PCDHGB3: variants seen among roughly 807,000 people sequenced by gnomAD.
PCDHGB3 encodes the protein protocadherin gamma subfamily B, 3.
A neutral mutation model predicts 59.2 loss-of-function variants in PCDHGB3; 40 were observed. The ratio of observed to expected loss-of-function variants is 0.68; its 90% CI spans 0.52 to 0.88. The LOEUF is 0.88. PCDHGB3 is among the 40% of genes least tolerant of loss of function. The probability of loss-of-function intolerance (pLI) is 0.00; values close to 1 mark genes in which losing one functional copy is unlikely to be tolerated. For missense variants in PCDHGB3, 1,309 were observed against 1,187.9 expected (o/e 1.10, Z -1.50); for synonymous variants, 581 against 503.6 (o/e 1.15, Z -2.06).
chr5:141,409,919 G>C (rs774277848), intron 1 of PCDHGB3: 1 of 1,613,346 alleles, frequency 6.2e-7, no homozygotes, highest in South Asian at 1.1e-5. Flanking sequence ...TGACGGCTCC[G>C]CGTTCTTCGA....
chr5:141,415,915 TGC>T, intron 1 of PCDHGB3: 1 of 724,854 alleles, frequency 1.4e-6, no homozygotes, highest in Non-Finnish European at 1.9e-6. Flanking sequence ...CATACAGAAG[TGC>T]CTGTCAATTT....
chr5:141,447,312 G>C (rs2098534178), intron 1 of PCDHGB3, among the ~76,000 whole-genome samples: 2 of 151,918 alleles, frequency 1.3e-5, no homozygotes, highest in African/African-American at 2.4e-5. Flanking sequence ...GCTAATTTTT[G>C]TATTTTTAGT....
chr5:141,483,606 C>T (rs1460635551), intron 1 of PCDHGB3, among the ~76,000 whole-genome samples: 1 of 151,984 alleles, frequency 6.6e-6, no homozygotes, highest in Non-Finnish European at 1.5e-5. Flanking sequence ...CTGGTTTACA[C>T]CTCCATCATT....
Position 141,493,404 on chromosome 5 carries a change from C to T in PCDHGB3, c.2416-1403C>T, listed in dbSNP as rs2099748048. Among the ~76,000 whole-genome samples, 1 of 152,148 alleles carries T rather than the reference C, an allele frequency of 6.6e-6. No individual in the cohort carries two copies. Among genetic ancestry groups the T allele is most frequent in the South Asian group, 2.1e-4 (1 of 4,826 alleles). ...CTTGAGGACAGGAGAGGGGAGTTGC[C>T]TCTGCTGGGATTTTGCTTCTGCTGG... On this transcript the variant is annotated intron_variant, in intron 1 of 3. Transcript: ENST00000576222. The surrounding 1 kb of genome is among the most constrained non-coding windows in gnomAD (Gnocchi z 4.3).
intron 1 of PCDHGB3, among the ~76,000 whole-genome samples, chr5:141,425,428 T>C (rs1037803701): frequency 1.3e-5 from 2 of 152,238 alleles, no homozygotes; most frequent in African/African-American, 4.8e-5. Context: ...TCCCATTAAA[T>C]AGAGGATAAA....
intron 1 of PCDHGB3, among the ~76,000 whole-genome samples, chr5:141,454,703 A>C (rs933041937): frequency 1.3e-5 from 2 of 150,198 alleles, no homozygotes; most frequent in African/African-American, 4.9e-5. Flanking sequence ...ACCATGCTCC[A>C]CCTGCTTATT....
intron 1 of PCDHGB3, chr5:141,414,447 C>A (rs2095748360): frequency 1.2e-6 from 2 of 1,613,848 alleles, no homozygotes; most frequent in East Asian, 2.2e-5. Flanking sequence ...CTTACAATAT[C>A]ACAGTGACAG....
intron 1 of PCDHGB3, chr5:141,399,718 C>T (rs770212703): frequency 6.2e-7 from 1 of 1,613,306 alleles, no homozygotes; most frequent in Non-Finnish European, 8.5e-7. Context: ...ACTACAGGCC[C>T]GCGACCAGGG....
At position 141,486,543 on chromosome 5, in the gene PCDHGB3, A is replaced by G; in HGVS notation, c.2416-8264A>G. Reference sequence around the variant, plus strand: ...AATGATAATCCACCCTCTTTCTTTCAGAGGTCACATGAGGTGTTTGTTCCT... The same window carrying G: ...AATGATAATCCACCCTCTTTCTTTCGGAGGTCACATGAGGTGTTTGTTCCT... On this transcript the variant is annotated intron_variant, in intron 1 of 3. Transcript: ENST00000576222. This position sits in a 1 kb window ranked among gnomAD's most constrained non-coding sequence, Gnocchi z 5.0. 6.2e-7 allele frequency: 1 copy of G among 1,614,080 alleles called. No individual in the cohort carries two copies. Among genetic ancestry groups the G allele is most frequent in the Non-Finnish European group, 8.5e-7 (1 of 1,180,020 alleles).
At chr5:141,374,168 G>A in intron 1 of PCDHGB3, 1 of 1,613,320 alleles carries the variant, frequency 6.2e-7, no homozygotes, top group Non-Finnish European at 8.5e-7. Flanking sequence ...GGCCGCGGCA[G>A]CGCAGATCCG....
chr5:141,387,303 A>C (rs563124332), intron 1 of PCDHGB3, among the ~76,000 whole-genome samples: 1 of 152,334 alleles, frequency 6.6e-6, no homozygotes, highest in East Asian at 1.9e-4. Context: ...TATCCAGTAT[A>C]TTTCTAATGA....
At position 141,490,852 on chromosome 5, in the gene PCDHGB3, G is replaced by A. The variant is rs759198428; in HGVS notation, c.2416-3955G>A. 2 of 1,613,896 alleles carry A rather than the reference G, an allele frequency of 1.2e-6. No individual in the cohort carries two copies. Among genetic ancestry groups the A allele is most frequent in the Non-Finnish European group, 1.7e-6 (2 of 1,179,928 alleles). ...GCTGCAGATTGTGGTGGGGGTTCGA[G>A]ACTCCGGCTCTCCCCCATTGCATGC... On this transcript the variant is annotated intron_variant, in intron 1 of 3. Transcript: ENST00000576222. The surrounding 1 kb of genome is among the most constrained non-coding windows in gnomAD (Gnocchi z 5.4).
chr5:141,447,681 C>T (rs2098548531), intron 1 of PCDHGB3, among the ~76,000 whole-genome samples: 1 of 152,066 alleles, frequency 6.6e-6, no homozygotes, highest in African/African-American at 2.4e-5. Flanking sequence ...TGTTCCATAT[C>T]TTGATAGAGG....
chr5:141,499,150 T>C (rs1424635509), intron 2 of PCDHGB3, among the ~76,000 whole-genome samples: 5 of 152,180 alleles, frequency 3.3e-5, no homozygotes, highest in Non-Finnish European at 1.5e-5. Context: ...CTGATCCCAA[T>C]AGCTGTTGTC....
chr5:141,427,193 C>T (rs1427995075), intron 1 of PCDHGB3: 1 of 456,496 alleles, frequency 2.2e-6, no homozygotes, highest in Admixed American at 2.4e-5. Context: ...AATCCAAAGA[C>T]TTAATAGACT....
intron 1 of PCDHGB3, among the ~76,000 whole-genome samples, chr5:141,475,567 A>G (rs1260546062): frequency 6.6e-6 from 1 of 152,244 alleles, no homozygotes; most frequent in African/African-American, 2.4e-5. Flanking sequence ...CTGTCTTCCA[A>G]CAAGCCAGAT....
chr5:141,421,515 C>A, intron 1 of PCDHGB3: 3 of 1,614,080 alleles, frequency 1.9e-6, no homozygotes, highest in Non-Finnish European at 2.5e-6. Context: ...GGGAGGAGCT[C>A]TGTGAGACGG....
At chr5:141,507,862 G>A (rs17286954) in intron 3 of PCDHGB3, among the ~76,000 whole-genome samples, 4 of 152,076 alleles carry the variant, frequency 2.6e-5, no homozygotes, top group African/African-American at 7.2e-5. Flanking sequence ...TTTCACACCC[G>A]CTTCCTAGCC....
At position 141,403,830 on chromosome 5, in the gene PCDHGB3, A is replaced by G. The variant is rs763794433; in HGVS notation, c.2415+31021A>G. On this transcript the variant is annotated intron_variant, in intron 1 of 3. Coordinates refer to ENST00000576222, the MANE Select transcript of PCDHGB3 (RefSeq NM_018924.5). ...AATGAAAAACAATCTCTGCTATTCC[A>G]GCTTAATGAAAATACTGGGGAAATA... The G allele has an allele frequency of 3.7e-6, 6 of 1,613,754 alleles. No individual in the cohort carries two copies. In the Admixed American group the frequency reaches 5.0e-5, roughly 13 times the overall value.
Sources: gnomAD v4.1 joint callset for allele counts (sites outside exome capture counted in the v4.1 genomes callset) on GRCh38, gnomAD v4.1.1 for gene constraint, Gnocchi (gnomAD v3.1) non-coding constraint, MANE v1.5 for transcripts, NCBI Gene and HGNC (gene_info 2026-07-23, HGNC 2026-07-21) for gene names.